Variants in CALN1 observed in about 807,000 individuals in gnomAD.
CALN1 encodes the protein calneuron 1.
A neutral mutation model predicts 30.6 loss-of-function variants in CALN1; 17 were observed. The ratio of observed to expected loss-of-function variants is 0.56; its 90% CI spans 0.38 to 0.83. The LOEUF is 0.83. CALN1 is among the 40% of genes least tolerant of loss of function. The pLI is 0.00. For missense variants in CALN1, 291 were observed against 354.9 expected (o/e 0.82, Z 1.45); for synonymous variants, 156 against 131.4 (o/e 1.19, Z -1.28).
chr7:72,023,616 T>A, intron 5 of CALN1, 41 bp downstream of exon 5: 3 of 1,479,196 alleles, frequency 2.0e-6, no homozygotes, highest in Non-Finnish European at 1.9e-6. Context: ...TCAGACACAT[T>A]TACTGTCAAA....
At chr7:71,918,161 G>T (rs1794772796) in intron 5 of CALN1, among the ~76,000 whole-genome samples, 1 of 152,148 alleles carries the variant, frequency 6.6e-6, no homozygotes. Flanking sequence ...AGCTATACTT[G>T]CTTATCACCA....
chr7:72,496,009 C>A, the CALN1 span, among the ~76,000 whole-genome samples: 1 of 152,190 alleles, frequency 6.6e-6, no homozygotes, highest in Non-Finnish European at 1.5e-5. Flanking sequence ...CAACCTGTAC[C>A]TCCCAGGTTC....
At chr7:72,229,764 A>T (rs1166620324) in intron 3 of CALN1, among the ~76,000 whole-genome samples, 1 of 151,938 alleles carries the variant, frequency 6.6e-6, no homozygotes, top group East Asian at 1.9e-4. Context: ...GGGGAACATC[A>T]CACACCGGGG....
intron 5 of CALN1, among the ~76,000 whole-genome samples, chr7:71,843,919 G>A: frequency 6.6e-6 from 1 of 151,776 alleles, no homozygotes; most frequent in East Asian, 1.9e-4. Context: ...TTTCTGGATT[G>A]GTATTTAAGG....
At chr7:72,173,560 T>C (rs549659927) in intron 3 of CALN1, among the ~76,000 whole-genome samples, 1 of 152,304 alleles carries the variant, frequency 6.6e-6, no homozygotes, top group Admixed American at 6.5e-5. Flanking sequence ...TCAAGACTTA[T>C]TCTGAAGGCC....
rs1792938324 is a variant in CALN1, at chr7:71,785,465, G to T, written c.*2310C>A. 1 of 152,180 alleles carries T rather than the reference G, an allele frequency of 6.6e-6. No homozygotes were observed. Among genetic ancestry groups the T allele is most frequent in the Non-Finnish European group, 1.5e-5 (1 of 68,054 alleles). The allele number at this position is 152,180 out of a possible 1,614,324, so 9.4% of individuals were successfully genotyped here. A position where few individuals can be genotyped will look rare whatever the true frequency, so the allele number is the denominator to read the frequency against. On this transcript the variant is annotated 3_prime_UTR_variant, in exon 7 of 7. Coordinates refer to ENST00000395275, the MANE Select transcript of CALN1 (RefSeq NM_031468.4). ...TCGCAGAAAAGCCACCTTCAAAGAAGTACTCATTTTCTGCCCTGAAGACCA... is the reference window on the plus strand; with the variant it reads ...TCGCAGAAAAGCCACCTTCAAAGAATTACTCATTTTCTGCCCTGAAGACCA...
chr7:72,277,553 C>CG (rs751194772), intron 3 of CALN1, among the ~76,000 whole-genome samples: 4 of 152,170 alleles, frequency 2.6e-5, no homozygotes, highest in Non-Finnish European at 4.4e-5. Flanking sequence ...CCCAGCCCAC[C>CG]GGGGCCACAT....
intron 3 of CALN1, among the ~76,000 whole-genome samples, chr7:72,169,717 T>C (rs1279023459): frequency 6.6e-6 from 1 of 152,016 alleles, no homozygotes; most frequent in Non-Finnish European, 1.5e-5. Context: ...CAAGACAAAG[T>C]CTCACTGTGT....
chr7:72,441,392 G>A (rs1808339014), intron 1 of CALN1, among the ~76,000 whole-genome samples: 1 of 152,024 alleles, frequency 6.6e-6, no homozygotes, highest in African/African-American at 2.4e-5. Flanking sequence ...GAGGTCAGGA[G>A]TTCGAGACCA....
At chr7:71,857,363 T>C (rs1321178565) in intron 5 of CALN1, among the ~76,000 whole-genome samples, 1 of 152,158 alleles carries the variant, frequency 6.6e-6, no homozygotes. Context: ...GAATTCAATA[T>C]AGGGAATGTG....
At chr7:72,163,867 A>AT (rs575155149) in intron 3 of CALN1, among the ~76,000 whole-genome samples, 213 of 152,326 alleles carry the variant, frequency 1.4e-3, no homozygotes, top group African/African-American at 4.4e-3. Context: ...ATTTGAATAT[A>AT]TAACAAGTGA....
At chr7:72,268,204 G>A (rs1173498064) in intron 3 of CALN1, among the ~76,000 whole-genome samples, 1 of 152,124 alleles carries the variant, frequency 6.6e-6, no homozygotes, top group Non-Finnish European at 1.5e-5. Flanking sequence ...TGAATGAATA[G>A]GTAGGGATTT....
chr7:71,793,841 G>A (rs890118063), intron 6 of CALN1, among the ~76,000 whole-genome samples: 1 of 151,868 alleles, frequency 6.6e-6, no homozygotes, highest in Non-Finnish European at 1.5e-5. Flanking sequence ...TCAAGCCTGG[G>A]TGACAGAGCA....
intron 5 of CALN1, among the ~76,000 whole-genome samples, chr7:71,884,226 T>C (rs1792761242): frequency 6.6e-6 from 1 of 152,112 alleles, no homozygotes; most frequent in Non-Finnish European, 1.5e-5. Context: ...TCAGCCTCTT[T>C]GGTTAGCCTC....
chr7:72,023,210 T>C (rs1800808947), intron 5 of CALN1, among the ~76,000 whole-genome samples: 1 of 152,212 alleles, frequency 6.6e-6, no homozygotes, highest in Admixed American at 6.5e-5. Context: ...CAGGAGCTAA[T>C]TGAGAAGCAC....
At chr7:72,135,092 C>A (rs536038878) in intron 3 of CALN1, among the ~76,000 whole-genome samples, 2 of 152,152 alleles carry the variant, frequency 1.3e-5, no homozygotes, top group Non-Finnish European at 2.9e-5. Flanking sequence ...CTTTAGGATC[C>A]GCTTTTAACT....
At chr7:72,286,833 G>A (rs1308603403) in intron 2 of CALN1, among the ~76,000 whole-genome samples, 3 of 152,156 alleles carry the variant, frequency 2.0e-5, no homozygotes, top group Admixed American at 6.5e-5. Context: ...AAAGCCTATT[G>A]CCAATAATGA....
intron 2 of CALN1, among the ~76,000 whole-genome samples, chr7:72,350,181 A>G (rs528100739): frequency 3.9e-5 from 6 of 152,208 alleles, no homozygotes; most frequent in Non-Finnish European, 8.8e-5. Context: ...TATGCCAGTA[A>G]TATTTATTGA....
At chr7:72,192,040 G>C (rs756496035) in intron 3 of CALN1, among the ~76,000 whole-genome samples, 10 of 152,308 alleles carry the variant, frequency 6.6e-5, no homozygotes, top group East Asian at 3.9e-4. Context: ...GAGTGCACCT[G>C]AATTTCTTGG....
Sources: allele counts gnomAD v4.1 joint callset (sites outside exome capture counted in the v4.1 genomes callset), GRCh38; gene constraint gnomAD v4.1.1; transcripts MANE v1.5; gene names NCBI Gene and HGNC (gene_info 2026-07-23, HGNC 2026-07-21).